Variants in ATRNL1 observed in about 807,000 individuals in gnomAD.
ATRNL1 encodes the protein attractin-like protein 1.
A neutral mutation model predicts 182.7 loss-of-function variants in ATRNL1; 95 were observed. The observed-to-expected ratio is 0.52, with a 90% CI of 0.44 to 0.62. ATRNL1 has a LOEUF of 0.62. Among genes scored for constraint, ATRNL1 ranks in the 20% least tolerant of loss-of-function variants. The pLI is 0.00. For missense variants in ATRNL1, 1,471 were observed against 1,679.5 expected (o/e 0.88, Z 2.17); for synonymous variants, 576 against 568.3 (o/e 1.01, Z -0.19).
At position 115,905,949 on chromosome 10, in the gene ATRNL1, G is replaced by T. The variant is rs145197476; in HGVS notation, c.4019-38709G>T. On this transcript the variant is annotated intron_variant, in intron 28 of 28. Coordinates refer to ENST00000355044, the MANE Select transcript of ATRNL1 (RefSeq NM_207303.4). ...TAGTTGAAGAATAGCCTGGTTTATA[G>T]GGTGAACTGTTAAAACTCTTTTAAA... Among the ~76,000 whole-genome samples the T allele has an allele frequency of 1.1e-4, 16 of 152,284 alleles. No homozygotes were observed. The East Asian group carries it at 3.1e-3, about 29-fold the overall frequency.
At chr10:115,484,982 C>T (rs371134196) in intron 24 of ATRNL1, among the ~76,000 whole-genome samples, 91 of 151,628 alleles carry the variant, frequency 6.0e-4, no homozygotes, top group Middle Eastern at 6.8e-3. Context: ...ACTATGTGAG[C>T]GAAAATGAGT....
At chr10:115,613,464 A>G (rs577700447) in intron 26 of ATRNL1, among the ~76,000 whole-genome samples, 97 of 152,256 alleles carry the variant, frequency 6.4e-4, no homozygotes, top group African/African-American at 2.2e-3. Context: ...TGTATTCATC[A>G]GGGGTTTTTG....
intron 19 of ATRNL1, among the ~76,000 whole-genome samples, chr10:115,343,252 A>G (rs1325399708): frequency 6.6e-6 from 1 of 151,852 alleles, no homozygotes; most frequent in Non-Finnish European, 1.5e-5. Flanking sequence ...AAGACCACGA[A>G]CTCTTAGATT....
intron 28 of ATRNL1, among the ~76,000 whole-genome samples, chr10:115,861,480 T>C (rs1951315416): frequency 6.6e-6 from 1 of 152,298 alleles, no homozygotes; most frequent in South Asian, 2.1e-4. Context: ...CCCTTTGTCA[T>C]GTACCTTGCT....
intron 26 of ATRNL1, among the ~76,000 whole-genome samples, chr10:115,717,576 G>A (rs1263924141): frequency 3.4e-5 from 2 of 58,614 alleles, no homozygotes; most frequent in Non-Finnish European, 7.8e-5. Context: ...TTTTGAGATG[G>A]AGTCTCGCTC....
At chr10:115,389,870 C>T (rs1843930799) in intron 19 of ATRNL1, among the ~76,000 whole-genome samples, 1 of 151,922 alleles carries the variant, frequency 6.6e-6, no homozygotes, top group South Asian at 2.1e-4. Context: ...TAAATTTCAT[C>T]ATTTTGATAA....
chr10:115,744,338 A>G (rs1344002713), intron 27 of ATRNL1, among the ~76,000 whole-genome samples: 1 of 152,146 alleles, frequency 6.6e-6, no homozygotes, highest in African/African-American at 2.4e-5. Context: ...ATAGCACAAA[A>G]GTGCTTATGA....
intron 8 of ATRNL1, among the ~76,000 whole-genome samples, chr10:115,202,516 T>G (rs1848625038): frequency 1.3e-5 from 2 of 152,202 alleles, no homozygotes; most frequent in Non-Finnish European, 2.9e-5. Flanking sequence ...TTGGTTCTGT[T>G]TACATGATGG....
At chr10:115,866,458 C>G (rs563036691) in intron 28 of ATRNL1, among the ~76,000 whole-genome samples, 3 of 152,276 alleles carry the variant, frequency 2.0e-5, no homozygotes, top group African/African-American at 7.2e-5. Context: ...CTTATGTTTT[C>G]TCATTTAATC....
At chr10:115,095,060 T>A (rs997717251) in intron 1 of ATRNL1, among the ~76,000 whole-genome samples, 3 of 152,126 alleles carry the variant, frequency 2.0e-5, no homozygotes, top group Admixed American at 2.0e-4. Context: ...TTGCCTGATA[T>A]AAAAAGCAAT....
chr10:115,231,611 G>A (rs1849956863), intron 9 of ATRNL1, among the ~76,000 whole-genome samples: 1 of 152,028 alleles, frequency 6.6e-6, no homozygotes, highest in Non-Finnish European at 1.5e-5. Context: ...AAAAATAAAG[G>A]GAATAATTTG....
At chr10:115,930,388 A>G (rs1409315681) in intron 28 of ATRNL1, among the ~76,000 whole-genome samples, 1 of 152,120 alleles carries the variant, frequency 6.6e-6, no homozygotes, top group African/African-American at 2.4e-5. Context: ...TACATCCCAT[A>G]AACTTCAGAA....
At chr10:115,128,497 CA>C (rs1478554673) in intron 4 of ATRNL1, 2 of 667,568 alleles carry the variant, frequency 3.0e-6, no homozygotes. Flanking sequence ...ATTTATCCTA[CA>C]ACGTATCCAA....
intron 25 of ATRNL1, among the ~76,000 whole-genome samples, chr10:115,522,535 T>C (rs1420728464): frequency 3.9e-5 from 6 of 152,222 alleles, no homozygotes; most frequent in African/African-American, 9.6e-5. Flanking sequence ...AATTTCAATA[T>C]GTGCTTTGGA....
At chr10:115,808,924 A>T (rs1949983109) in intron 27 of ATRNL1, among the ~76,000 whole-genome samples, 1 of 152,136 alleles carries the variant, frequency 6.6e-6, no homozygotes, top group South Asian at 2.1e-4. Flanking sequence ...ACTCAAGGTA[A>T]CAAGGATTTT....
intron 27 of ATRNL1, among the ~76,000 whole-genome samples, chr10:115,806,196 G>T (rs1417190236): frequency 3.3e-5 from 5 of 152,094 alleles, no homozygotes; most frequent in Admixed American, 1.3e-4. Flanking sequence ...GTCAGATATT[G>T]AGTTGCTGTA....
At chr10:115,300,626 AAAG>A (rs1268933821) in intron 16 of ATRNL1, among the ~76,000 whole-genome samples, 1 of 152,176 alleles carries the variant, frequency 6.6e-6, no homozygotes, top group Non-Finnish European at 1.5e-5. Flanking sequence ...TATCAAGTAA[AAAG>A]AAACATTTTT....
intron 27 of ATRNL1, chr10:115,820,512 T>C (rs1234022649): frequency 6.6e-6 from 1 of 152,116 alleles, no homozygotes; most frequent in African/African-American, 2.4e-5. Flanking sequence ...ACTTTGGATA[T>C]TCGTGATTTA....
At chr10:115,503,959 A>T (rs948565751) in intron 24 of ATRNL1, among the ~76,000 whole-genome samples, 1 of 151,860 alleles carries the variant, frequency 6.6e-6, no homozygotes, top group African/African-American at 2.4e-5. Context: ...TATAACCTTT[A>T]AATTAGCTTT....
Sources: gnomAD v4.1 joint callset for allele counts (sites outside exome capture counted in the v4.1 genomes callset) on GRCh38, gnomAD v4.1.1 for gene constraint, MANE v1.5 for transcripts, NCBI Gene and HGNC (gene_info 2026-07-23, HGNC 2026-07-21) for gene names.